The following GDAP1L1 variants were observed in gnomAD, a reference collection of about 807,000 sequenced individuals.
GDAP1L1 encodes ganglioside-induced differentiation-associated protein 1-like 1.
Under a neutral mutation model 37.1 loss-of-function variants are expected in GDAP1L1, and 21 were observed. The ratio of observed to expected loss-of-function variants is 0.57; its 90% CI spans 0.40 to 0.81. GDAP1L1 has a LOEUF of 0.81. Ranked by LOEUF, GDAP1L1 falls within the 40% of genes least tolerant of loss-of-function variation. The pLI is 0.00. For missense variants in GDAP1L1, 362 were observed against 491.6 expected, an observed-to-expected ratio of 0.74 and a Z score of 2.49; for synonymous variants, 193 against 209.1, an observed-to-expected ratio of 0.92 and a Z score of 0.67.
At position 44,280,442 on chromosome 20, in the gene GDAP1L1, G is replaced by C. The variant is rs1294432630; in HGVS notation, c.*1142G>C. The C allele has an allele frequency of 6.5e-6, 1 of 152,826 alleles. No homozygotes were observed. Among genetic ancestry groups the C allele is most frequent in the Non-Finnish European group, 1.5e-5 (1 of 68,192 alleles). The allele number at this position is 152,826 out of a possible 1,614,324, so 9.5% of individuals were successfully genotyped here. On this transcript the variant is annotated 3_prime_UTR_variant, in exon 6 of 6. Transcript: ENST00000342560. ...CATTGCCAAGTGCTGGAGCCAGAAG[G>C]GTAGAGATGTGAGGTTTCAGTCTCA... is the stretch of plus-strand genomic sequence containing the variant.
At chr20:44,276,620 TTA>T (rs1481278724) in intron 5 of GDAP1L1, among the ~76,000 whole-genome samples, 1 of 152,186 alleles carries the variant, frequency 6.6e-6, no homozygotes, top group Admixed American at 6.5e-5. Flanking sequence ...TGCAGATAGT[TTA>T]TAGTGAATCA....
At chr20:44,265,490 G>T (rs1261620272) in intron 5 of GDAP1L1, 1 of 985,122 alleles carries the variant, frequency 1.0e-6, no homozygotes, top group Non-Finnish European at 1.2e-6. Context: ...GTATGGGAAG[G>T]CCGTAGAGCC....
At chr20:44,263,349 G>C (rs765379129) in intron 4 of GDAP1L1, 22 bp downstream of exon 4, 2 of 1,501,908 alleles carry the variant, frequency 1.3e-6, no homozygotes, top group Non-Finnish European at 1.9e-6. Context: ...CCGGCCTGCT[G>C]AGTCCCCTTC....
At chr20:44,276,468 A>AAAGAAAGAAAGAAAG (rs1480283790) in intron 5 of GDAP1L1, among the ~76,000 whole-genome samples, 2 of 71,762 alleles carry the variant, frequency 2.8e-5, no homozygotes, top group Non-Finnish European at 3.1e-5. Flanking sequence ...AAGAAAGAAA[A>AAAGAAAGAAAGAAAG]AGAAAGGCAG....
intron 5 of GDAP1L1, among the ~76,000 whole-genome samples, chr20:44,271,136 T>C (rs2062511320): frequency 1.3e-5 from 2 of 152,114 alleles, no homozygotes; most frequent in South Asian, 4.2e-4. Context: ...TAGTAGTACA[T>C]GCCTGTAGAC....
intron 1 of GDAP1L1, among the ~76,000 whole-genome samples, chr20:44,254,024 C>T (rs972243856): frequency 1.3e-5 from 2 of 152,224 alleles, no homozygotes; most frequent in Non-Finnish European, 2.9e-5. Flanking sequence ...TCCACCCATT[C>T]AGAGGTCCCA....
intron 1 of GDAP1L1, among the ~76,000 whole-genome samples, chr20:44,255,755 T>G (rs933896634): frequency 3.9e-5 from 6 of 152,020 alleles, no homozygotes; most frequent in Non-Finnish European, 8.8e-5. Flanking sequence ...GCCTTTCCTC[T>G]TTTGGGGATA....
intron 5 of GDAP1L1, among the ~76,000 whole-genome samples, chr20:44,266,116 C>T (rs1248303508): frequency 6.6e-6 from 1 of 152,116 alleles, no homozygotes; most frequent in Non-Finnish European, 1.5e-5. Flanking sequence ...CGAGACCAGC[C>T]TAACAACATG....
intron 3 of GDAP1L1, 85 bp from the exon 4 acceptor site, chr20:44,263,145 G>C: frequency 1.0e-6 from 1 of 969,320 alleles, no homozygotes; most frequent in South Asian, 1.3e-5. Flanking sequence ...TGTTTGGATG[G>C]GGCCTACTTC....
rs1297084514 is a variant in GDAP1L1 at position 44,269,055 on chromosome 20, G to A, written c.760+4496G>A. On this transcript the variant is annotated intron_variant, in intron 5 of 5. Transcript: ENST00000342560. ...GGCTTGCCTCTCACACATGGGGAGC[G>A]GCTGACCTCATTCCTGCATTTGCGG... Among the ~76,000 whole-genome samples the A allele has an allele frequency of 3.3e-5, 5 of 152,214 alleles. No individual in the cohort carries two copies. The South Asian group carries it at 6.2e-4, about 19-fold the overall frequency.
intron 1 of GDAP1L1, among the ~76,000 whole-genome samples, chr20:44,249,357 A>T (rs768549741): frequency 5.9e-5 from 9 of 152,176 alleles, no homozygotes; most frequent in South Asian, 4.1e-4. Flanking sequence ...TTATTAAGGC[A>T]CTAGGTAAAG....
chr20:44,264,307 CG>C (rs940059189), intron 4 of GDAP1L1, 137 bp from the exon 5 acceptor site: 18 of 1,215,632 alleles, frequency 1.5e-5, no homozygotes, highest in African/African-American at 1.3e-4. Flanking sequence ...TGCTTCATAA[CG>C]GGGGGGCATC....
chr20:44,258,406 C>T, intron 2 of GDAP1L1, 28 bp from the exon 3 acceptor site: 4 of 1,544,138 alleles, frequency 2.6e-6, no homozygotes, highest in Non-Finnish European at 3.5e-6. Context: ...CTCTGGCTTC[C>T]CTGCCCAGCC....
chr20:44,260,670 A>G (rs912375002), intron 3 of GDAP1L1, among the ~76,000 whole-genome samples: 1 of 152,152 alleles, frequency 6.6e-6, no homozygotes, highest in South Asian at 2.1e-4. Flanking sequence ...GAGGATGTGT[A>G]GCAGGTAGAA....
At chr20:44,263,374 C>T (rs1367031226) in intron 4 of GDAP1L1, 47 bp downstream of exon 4, 1 of 1,236,764 alleles carries the variant, frequency 8.1e-7, no homozygotes, top group Admixed American at 1.7e-5. Context: ...CGAGCTCTTC[C>T]ACGGAAATGA....
chr20:44,271,784 G>A (rs1600560598), intron 5 of GDAP1L1, among the ~76,000 whole-genome samples: 2 of 152,180 alleles, frequency 1.3e-5, no homozygotes, highest in South Asian at 4.1e-4. Flanking sequence ...GAAGACAGGA[G>A]GGGCGTGGTT....
At chr20:44,249,019 G>A (rs1416519463) in intron 1 of GDAP1L1, among the ~76,000 whole-genome samples, 2 of 151,868 alleles carry the variant, frequency 1.3e-5, no homozygotes, top group Non-Finnish European at 2.9e-5. Flanking sequence ...TCAAGACTCT[G>A]TTGATAATGA....
At chr20:44,267,176 C>G (rs1600552800) in intron 5 of GDAP1L1, among the ~76,000 whole-genome samples, 1 of 152,172 alleles carries the variant, frequency 6.6e-6, no homozygotes, top group Non-Finnish European at 1.5e-5. Flanking sequence ...AGGCCCTGTT[C>G]TAGGTGTTTC....
intron 5 of GDAP1L1, among the ~76,000 whole-genome samples, chr20:44,265,921 A>G (rs1056409451): frequency 1.1e-4 from 16 of 152,204 alleles, no homozygotes; most frequent in African/African-American, 3.9e-4. Context: ...CCGAACAGAG[A>G]CATCATCATG....
Sources: allele counts gnomAD v4.1 joint callset (sites outside exome capture counted in the v4.1 genomes callset), GRCh38; gene constraint gnomAD v4.1.1; transcripts MANE v1.5; gene names NCBI Gene and HGNC (gene_info 2026-07-23, HGNC 2026-07-21).